The following GLRB variants were observed in gnomAD, a reference collection of about 807,000 sequenced individuals.
The protein encoded by GLRB is glycine receptor subunit beta.
In GLRB, 33 loss-of-function variants were observed where a neutral mutation model predicts 54.2. That is an observed-to-expected ratio of 0.61 (90% confidence interval 0.46 to 0.81). The LOEUF (loss-of-function observed/expected upper bound fraction) is 0.81. Ranked by LOEUF, GLRB falls within the 40% of genes least tolerant of loss-of-function variation. GLRB has a pLI of 0.00. For synonymous variants in GLRB, 209 were observed against 208.2 expected, an observed-to-expected ratio of 1.00 and a Z score of -0.03; for missense variants, 572 against 584.6, an observed-to-expected ratio of 0.98 and a Z score of 0.22.
chr4:157,117,937 G>A (rs1032874748), intron 2 of GLRB, among the ~76,000 whole-genome samples: 1 of 151,642 alleles, frequency 6.6e-6, no homozygotes, highest in African/African-American at 2.4e-5. Context: ...TTAGAGTAAG[G>A]TTGCATGGTT....
intron 2 of GLRB, among the ~76,000 whole-genome samples, chr4:157,091,611 G>T (rs1338382238): frequency 6.6e-6 from 1 of 152,126 alleles, no homozygotes; most frequent in Admixed American, 6.5e-5. Flanking sequence ...AAGTGTTTTG[G>T]GTACCTTCAG....
chr4:157,118,245 A>G (rs1034003565), intron 2 of GLRB, among the ~76,000 whole-genome samples: 7 of 151,872 alleles, frequency 4.6e-5, no homozygotes, highest in African/African-American at 1.7e-4. Flanking sequence ...GAAGAGACAC[A>G]ATAACAGCAG....
At chr4:157,148,471 A>G (rs1162613275) in intron 8 of GLRB, among the ~76,000 whole-genome samples, 1 of 152,050 alleles carries the variant, frequency 6.6e-6, no homozygotes, top group African/African-American at 2.4e-5. Flanking sequence ...TTGGTTTTAG[A>G]TCTTTCTCCT....
chr4:157,136,236 GAGCTAGCA>G (rs567004604), intron 4 of GLRB: 46 of 508,966 alleles, frequency 9.0e-5, no homozygotes, highest in Non-Finnish European at 1.6e-4. Context: ...TCTGATGTTT[GAGCTAGCA>G]AGTGCTACGG....
intron 2 of GLRB, among the ~76,000 whole-genome samples, chr4:157,104,143 A>G (rs1475159728): frequency 6.6e-6 from 1 of 152,134 alleles, no homozygotes; most frequent in Non-Finnish European, 1.5e-5. Context: ...ATCTCAGTAT[A>G]AAAGCTTTCA....
intron 3 of GLRB, among the ~76,000 whole-genome samples, chr4:157,122,092 G>GA (rs202142610): frequency 0.17 from 23,556 of 139,238 alleles, 2,054 homozygotes; most frequent in East Asian, 0.39. Context: ...AATTCTTCCT[G>GA]AAAAAAAAAA....
chr4:157,078,192 C>G, intron 2 of GLRB, 46 bp downstream of exon 2: 1 of 1,604,470 alleles, frequency 6.2e-7, no homozygotes, highest in Middle Eastern at 1.7e-4. Context: ...AATGTTATTG[C>G]GTGTTTTATA....
intron 2 of GLRB, among the ~76,000 whole-genome samples, chr4:157,118,246 A>G (rs1221146237): frequency 6.6e-6 from 1 of 151,712 alleles, no homozygotes; most frequent in Non-Finnish European, 1.5e-5. Context: ...AAGAGACACA[A>G]TAACAGCAGT....
At chr4:157,081,040 G>C (rs7688230) in intron 2 of GLRB, among the ~76,000 whole-genome samples, 25,723 of 152,028 alleles carry the variant, frequency 0.17, 2,281 homozygotes, top group East Asian at 0.28. Context: ...CCTCTTTGCT[G>C]TTTCTTTTTT....
At chr4:157,104,599 T>C (rs1486108979) in intron 2 of GLRB, among the ~76,000 whole-genome samples, 1 of 152,028 alleles carries the variant, frequency 6.6e-6, no homozygotes, top group Non-Finnish European at 1.5e-5. Flanking sequence ...TGTTTCTTTC[T>C]CTTTAATTTT....
intron 2 of GLRB, among the ~76,000 whole-genome samples, chr4:157,115,791 T>C (rs1177613016): frequency 6.6e-6 from 1 of 151,794 alleles, no homozygotes; most frequent in Non-Finnish European, 1.5e-5. Context: ...CCAACACATA[T>C]TACATCCTCA....
chr4:157,119,994 C>T (rs1179233397), intron 2 of GLRB, among the ~76,000 whole-genome samples: 1 of 151,686 alleles, frequency 6.6e-6, no homozygotes, highest in African/African-American at 2.4e-5. Context: ...AAATGTCCAA[C>T]AATGATAGGC....
At chr4:157,158,299 G>A (rs1261366158) in intron 9 of GLRB, among the ~76,000 whole-genome samples, 4 of 152,054 alleles carry the variant, frequency 2.6e-5, no homozygotes, top group African/African-American at 9.7e-5. Context: ...CACTCTGATG[G>A]TGGTTTCTTT....
rs549866891 is a variant in GLRB at position 157,108,240 on chromosome 4, T to C, written c.123-12316T>C. Reference sequence around the variant, plus strand: ...CATGAATCAAGGAGCCATTTTGACATTCACGTTTTATTATCTAAGAAATAC... The same window carrying C: ...CATGAATCAAGGAGCCATTTTGACACTCACGTTTTATTATCTAAGAAATAC... On this transcript the variant is annotated intron_variant, in intron 2 of 9. Transcript: ENST00000264428. Among the ~76,000 whole-genome samples, 33 of 152,270 alleles carry C rather than the reference T, an allele frequency of 2.2e-4. 1 individual carries two copies. Among genetic ancestry groups the C allele is most frequent in the Admixed American group, 3.9e-4 (6 of 15,276 alleles).
At position 157,169,145 on chromosome 4, in the gene GLRB, C is replaced by T. The variant is rs555029368; in HGVS notation, c.1198-1287C>T. On this transcript the variant is annotated intron_variant, in intron 9 of 9. Transcript: ENST00000264428. ...TGTAAATAGAATCTATAGAATTAGTCAATGTATTAATTATATTAATAAAGC... is the reference window on the plus strand; with the variant it reads ...TGTAAATAGAATCTATAGAATTAGTTAATGTATTAATTATATTAATAAAGC... Among the ~76,000 whole-genome samples the T allele has an allele frequency of 9.3e-4, 142 of 151,958 alleles. 1 individual carries two copies. Among genetic ancestry groups the T allele is most frequent in the African/African-American group, 3.3e-3 (137 of 41,440 alleles).
chr4:157,125,732 A>C (rs931078856), intron 4 of GLRB, among the ~76,000 whole-genome samples: 1 of 151,712 alleles, frequency 6.6e-6, no homozygotes, highest in South Asian at 2.1e-4. Flanking sequence ...TCAGGAGTAT[A>C]AGACCAGCCT....
chr4:157,150,208 A>C (rs913605269), intron 8 of GLRB, among the ~76,000 whole-genome samples: 1 of 152,126 alleles, frequency 6.6e-6, no homozygotes, highest in Non-Finnish European at 1.5e-5. Context: ...AAGTATTTTT[A>C]CAAAGTAGCA....
chr4:157,122,449 A>G, intron 4 of GLRB, 52 bp downstream of exon 4: 1 of 692,576 alleles, frequency 1.4e-6, no homozygotes, highest in Non-Finnish European at 2.6e-6. Flanking sequence ...TAGAGGAGAT[A>G]GTGAAAGTAA....
chr4:157,138,712 T>G, intron 6 of GLRB, 97 bp from the exon 7 acceptor site: 1 of 699,026 alleles, frequency 1.4e-6, no homozygotes, highest in South Asian at 1.9e-5. Flanking sequence ...GGTCTTATTT[T>G]CTTTCCTTTG....
Sources: allele counts gnomAD v4.1 joint callset (sites outside exome capture counted in the v4.1 genomes callset), GRCh38; gene constraint gnomAD v4.1.1; transcripts MANE v1.5; gene names NCBI Gene and HGNC (gene_info 2026-07-23, HGNC 2026-07-21).